The following SLC5A10 variants were observed in gnomAD, a reference collection of about 807,000 sequenced individuals.
The protein encoded by SLC5A10 is solute carrier family 5 member 10, also known as sodium/mannose cotransporter SLC5A10.
Under a neutral mutation model 68.9 loss-of-function variants are expected in SLC5A10, and 55 were observed. The observed-to-expected ratio is 0.80, with a 90% CI of 0.64 to 1.00. SLC5A10 has a LOEUF of 1.00. SLC5A10 is among the 50% of genes least tolerant of loss of function. The probability of loss-of-function intolerance (pLI) is 0.00; values close to 1 mark genes in which losing one functional copy is unlikely to be tolerated. For synonymous variants in SLC5A10, 344 were observed against 344.8 expected, an observed-to-expected ratio of 1.00 and a Z score of 0.02; for missense variants, 732 against 819.3, an observed-to-expected ratio of 0.89 and a Z score of 1.30.
Position 19,019,679 on chromosome 17 carries a change from G to A in SLC5A10, c.1411-34G>A, listed in dbSNP as rs145135453. On this transcript the variant is annotated intron_variant, in intron 12 of 14. Coordinates refer to ENST00000395645, the MANE Select transcript of SLC5A10 (RefSeq NM_001042450.4). ...TGGGGGGAGCCTTGGTCCTCCTCCC[G>A]TAGCCCCACATGCCCTGCCTCCCTC... 15,286 of 1,602,830 alleles carry A rather than the reference G, an allele frequency of 9.5e-3. 83 individuals are homozygous for A. The highest frequency in any genetic ancestry group is 0.015 in the Middle Eastern group (88 of 6,042).
At chr17:19,011,998 G>C (rs968950046) in intron 9 of SLC5A10, among the ~76,000 whole-genome samples, 14 of 152,060 alleles carry the variant, frequency 9.2e-5, no homozygotes, top group Non-Finnish European at 1.8e-4. Flanking sequence ...CTGCTGTGTT[G>C]CAACTCTGCC....
rs767471440 is a variant in SLC5A10, at chr17:18,960,638, T to G, written c.439T>G (p.Phe147Val). Residue 147 changes from phenylalanine to valine, a missense_variant, in exon 5 of 15, where the codon TTC (phenylalanine) becomes GTC (valine). Transcript: ENST00000395645. The part of the protein sequence containing the change: ...LSVLSLLLSV[F>V]TKISLDLYAG... ...TGTCCTGTCCCTGCTACTGTCTGTC[T>G]TCACCAAGATATCGGTGAGCTGCCC... 1 of 1,613,926 alleles carries G rather than the reference T, an allele frequency of 6.2e-7. No homozygotes were observed. The highest frequency in any genetic ancestry group is 8.5e-7 in the Non-Finnish European group (1 of 1,179,936).
At chr17:18,958,074 T>C (rs981429833) in intron 1 of SLC5A10, among the ~76,000 whole-genome samples, 13 of 152,160 alleles carry the variant, frequency 8.5e-5, no homozygotes, top group African/African-American at 3.1e-4. Flanking sequence ...TCCCAAGATA[T>C]TTGTTGTTTT....
At chr17:18,991,399 T>C (rs1408702149) in intron 9 of SLC5A10, among the ~76,000 whole-genome samples, 1 of 152,168 alleles carries the variant, frequency 6.6e-6, no homozygotes. Flanking sequence ...TCTATCCAGT[T>C]CACACATTGT....
Position 18,994,188 on chromosome 17 carries a change from C to A in SLC5A10, c.982+17199C>A, listed in dbSNP as rs1339416605. On this transcript the variant is annotated intron_variant, in intron 9 of 14. Transcript: ENST00000395645. ...GATGGAATAACAGAGACGGAATTCA[C>A]CCCCTGCCTTAGCAATAAAAAACCC... 3.9e-5 allele frequency among the ~76,000 whole-genome samples: 6 copies of A among 152,334 alleles called. No individual in the cohort carries two copies. In the South Asian group the frequency reaches 6.2e-4, roughly 16 times the overall value.
chr17:18,990,456 C>G (rs2043387707), intron 9 of SLC5A10, among the ~76,000 whole-genome samples: 1 of 152,198 alleles, frequency 6.6e-6, no homozygotes, highest in Non-Finnish European at 1.5e-5. Context: ...ACGTGCCACC[C>G]TGGAAAGGAG....
intron 3 of SLC5A10, 50 bp downstream of exon 3, chr17:18,959,289 T>C (rs1216478861): frequency 7.6e-6 from 12 of 1,577,226 alleles, no homozygotes; most frequent in Non-Finnish European, 1.0e-5. Flanking sequence ...GCACAGGATG[T>C]GGTCGCAGCA....
intron 7 of SLC5A10, 143 bp downstream of exon 7, chr17:18,969,565 C>G (rs2152000045): frequency 2.8e-6 from 2 of 708,476 alleles, no homozygotes; most frequent in South Asian, 4.1e-5. Flanking sequence ...GGAGGTTGAG[C>G]CACTAGGCAG....
chr17:18,959,743 G>T (rs2042574948), intron 4 of SLC5A10, 80 bp downstream of exon 4: 2 of 1,321,768 alleles, frequency 1.5e-6, no homozygotes, highest in Non-Finnish European at 2.2e-6. Context: ...GGACCACCGT[G>T]GCCTCACATC....
Position 19,015,102 on chromosome 17 carries a change from A to G in SLC5A10, c.1144A>G (p.Thr382Ala), listed in dbSNP as rs1470907415. Reference protein sequence around the residue: ...VMLAALMSSLTSIFNSSSTLF... With the variant: ...VMLAALMSSLASIFNSSSTLF... ...GCTGGCGGCGCTCATGTCGTCGCTGACCTCCATCTTCAACAGCAGCAGCAC... is the reference window on the plus strand; with the variant it reads ...GCTGGCGGCGCTCATGTCGTCGCTGGCCTCCATCTTCAACAGCAGCAGCAC... Residue 382 changes from threonine (T) to alanine (A), a missense_variant, in exon 11 of 15, where the codon ACC becomes GCC. By Grantham distance (58) the Thr-to-Ala change is moderately conservative. Transcript: ENST00000395645. 1.2e-6 allele frequency: 2 copies of G among 1,612,794 alleles called. No individual in the cohort carries two copies. Among genetic ancestry groups the G allele is most frequent in the Admixed American group, 3.3e-5 (2 of 59,924 alleles).
intron 9 of SLC5A10, among the ~76,000 whole-genome samples, chr17:18,983,907 T>C (rs1014265172): frequency 1.3e-5 from 2 of 152,218 alleles, no homozygotes; most frequent in East Asian, 1.9e-4. Context: ...AACTGATACA[T>C]GTCCCCTTTT....
chr17:18,954,158 G>C (rs2042437516), intron 1 of SLC5A10: 1 of 152,306 alleles, frequency 6.6e-6, no homozygotes, highest in African/African-American at 2.4e-5. Flanking sequence ...ATATTCCTGT[G>C]ACAGTTGGTG....
Position 19,004,751 on chromosome 17 carries a change from G to A in SLC5A10, c.983-8659G>A, listed in dbSNP as rs919670419. 2.4e-3 allele frequency: 367 copies of A among 149,954 alleles called. No homozygotes were observed. The highest frequency in any genetic ancestry group is 8.8e-3 in the African/African-American group (362 of 41,248). 9.3% of individuals were successfully genotyped at this position (149,954 alleles called of 1,614,324 possible). A position where few individuals can be genotyped will look rare whatever the true frequency, so the allele number is the denominator to read the frequency against. ...AGCGGGGCGCACACGCGGCGGCTGC[G>A]GCGGCGGCGCGAGGCTGGGCGGGGG... On this transcript the variant is annotated intron_variant, in intron 9 of 14. Transcript: ENST00000395645. The surrounding 1 kb of genome is among the most constrained non-coding windows in gnomAD (Gnocchi z 5.4).
chr17:18,972,088 G>A (rs1397346556), intron 8 of SLC5A10, among the ~76,000 whole-genome samples: 1 of 152,162 alleles, frequency 6.6e-6, no homozygotes, highest in Non-Finnish European at 1.5e-5. Context: ...TTGAGTGCAG[G>A]GGGTGACTCT....
intron 9 of SLC5A10, among the ~76,000 whole-genome samples, chr17:19,011,859 G>C (rs2044021986): frequency 6.6e-6 from 1 of 151,696 alleles, no homozygotes; most frequent in African/African-American, 2.4e-5. Flanking sequence ...TGGGGGAAGG[G>C]GTGTGAGACC....
At position 18,968,899 on chromosome 17, in the gene SLC5A10, C is replaced by T. The variant is rs940779781; in HGVS notation, c.454-153C>T. ...AGGTCTTCCCCCAACCTCACAATGG[C>T]CCCGTGATGCAGGCAGGCAGGCGAG... On this transcript the variant is annotated intron_variant, in intron 5 of 14. Transcript: ENST00000395645. This position sits in a 1 kb window ranked among gnomAD's most constrained non-coding sequence, Gnocchi z 4.1. 24 of 645,082 alleles carry T rather than the reference C, an allele frequency of 3.7e-5. No homozygotes were observed. The Admixed American group carries it at 4.1e-4, about 11-fold the overall frequency. The allele number at this position is 645,082 out of a possible 1,614,324, so 40.0% of individuals were successfully genotyped here.
intron 9 of SLC5A10, among the ~76,000 whole-genome samples, chr17:18,983,564 A>G (rs970675952): frequency 6.6e-6 from 1 of 152,194 alleles, no homozygotes; most frequent in African/African-American, 2.4e-5. Flanking sequence ...ACCAGGTCTG[A>G]GCTGGGAACA....
In SLC5A10 at chr17:19,021,602, G is replaced by A. The variant is rs565957769; in HGVS notation, c.*1171G>A. On this transcript the variant is annotated 3_prime_UTR_variant, in exon 15 of 15. Transcript: ENST00000395645. The surrounding 1 kb of genome is among the most constrained non-coding windows in gnomAD (Gnocchi z 4.1). ...ACCCACCATGGCCAGGGTTCCTTAG[G>A]TTGAGCCTCCAGTGGGTGAAACCTG... 98 of 387,108 alleles carry A rather than the reference G, an allele frequency of 2.5e-4. No individual in the cohort carries two copies. Among genetic ancestry groups the A allele is most frequent in the Non-Finnish European group, 4.2e-4 (91 of 219,086 alleles). 24.0% of individuals were successfully genotyped at this position (387,108 alleles called of 1,614,324 possible).
chr17:19,003,612 C>T lies in SLC5A10; in HGVS notation c.983-9798C>T. On this transcript the variant is annotated intron_variant, in intron 9 of 14. Coordinates refer to ENST00000395645, the MANE Select transcript of SLC5A10 (RefSeq NM_001042450.4). The surrounding 1 kb of genome is among the most constrained non-coding windows in gnomAD (Gnocchi z 4.5). ...TGCATGTAGACGCTAGCCCGGGTCA[C>T]GCCGCGGTAGGCGATGGTGTCGGGC... The T allele has an allele frequency of 1.9e-6, 3 of 1,611,642 alleles. No individual in the cohort carries two copies. The highest frequency in any genetic ancestry group is 2.5e-6 in the Non-Finnish European group (3 of 1,179,140).
Sources: gnomAD v4.1 joint callset for allele counts (sites outside exome capture counted in the v4.1 genomes callset) on GRCh38, gnomAD v4.1.1 for gene constraint, Gnocchi (gnomAD v3.1) non-coding constraint, MANE v1.5 for transcripts, NCBI Gene and HGNC (gene_info 2026-07-23, HGNC 2026-07-21) for gene names.